ADRA1B: variants seen among roughly 807,000 people sequenced by gnomAD.
ADRA1B encodes the protein alpha-1B adrenergic receptor.
Under a neutral mutation model 17.9 loss-of-function variants are expected in ADRA1B, and 17 were observed. The ratio of observed to expected loss-of-function variants is 0.95; its 90% CI spans 0.65 to 1.42. The LOEUF (loss-of-function observed/expected upper bound fraction) is 1.42. ADRA1B is among the 40% of genes most tolerant of loss of function. The pLI, the probability that ADRA1B is intolerant of heterozygous loss-of-function variation, is 0.00. For missense variants in ADRA1B, 681 were observed against 722.1 expected, an observed-to-expected ratio of 0.94 and a Z score of 0.65; for synonymous variants, 366 against 327.6, an observed-to-expected ratio of 1.12 and a Z score of -1.27.
At chr5:159,911,578 T>C (rs937445971), upstream of ADRA1B, among the ~76,000 whole-genome samples, 1 of 152,010 alleles carries the variant, frequency 6.6e-6, no homozygotes, top group African/African-American at 2.4e-5. Flanking sequence ...TACCAGGGAG[T>C]GCTGTATGAC....
chr5:159,917,162 A>G lies in ADRA1B; in HGVS notation c.257A>G (p.Asn86Ser), dbSNP rs768822216. ...ACGCCCACCAACTACTTCATTGTCA[A>G]CCTGGCCATGGCCGACCTGCTGTTG... ...LRTPTNYFIV[N>S]LAMADLLLSF... Residue 86 changes from asparagine to serine, a missense_variant, in exon 1 of 2, where the codon AAC becomes AGC. Physicochemically the swap from Asn to Ser is conservative, Grantham distance 46. Coordinates refer to ENST00000306675, the MANE Select transcript of ADRA1B (RefSeq NM_000679.4). 6 of 1,613,866 alleles carry G rather than the reference A, an allele frequency of 3.7e-6. No homozygotes were observed. Among genetic ancestry groups the G allele is most frequent in the Non-Finnish European group, 5.1e-6 (6 of 1,179,990 alleles).
At chr5:159,954,762 C>T (rs1254508976) in intron 1 of ADRA1B, among the ~76,000 whole-genome samples, 2 of 152,144 alleles carry the variant, frequency 1.3e-5, no homozygotes, top group Non-Finnish European at 2.9e-5. Context: ...AAGGCCTCCT[C>T]CACCTGGCAT....
intron 1 of ADRA1B, among the ~76,000 whole-genome samples, chr5:159,895,295 T>A (rs1445005200): frequency 1.3e-5 from 2 of 152,196 alleles, no homozygotes; most frequent in African/African-American, 4.8e-5. Flanking sequence ...CAGTGGAATC[T>A]TCACCTTCCA....
chr5:159,921,795 T>C (rs545516041), intron 1 of ADRA1B, among the ~76,000 whole-genome samples: 14 of 152,324 alleles, frequency 9.2e-5, no homozygotes, highest in African/African-American at 2.6e-4. Flanking sequence ...CTCCAGCCCT[T>C]TCATTCAAAT....
chr5:159,974,487 T>A (rs1327595591), downstream of ADRA1B, among the ~76,000 whole-genome samples: 1 of 151,932 alleles, frequency 6.6e-6, no homozygotes, highest in Non-Finnish European at 1.5e-5. Context: ...ATACAAAAAA[T>A]TAGCTGGGTG....
At chr5:159,927,295 C>A (rs893591508) in intron 1 of ADRA1B, among the ~76,000 whole-genome samples, 1 of 151,482 alleles carries the variant, frequency 6.6e-6, no homozygotes, top group East Asian at 2.0e-4. Flanking sequence ...GGAAACTATT[C>A]CAGTGACTTT....
chr5:159,963,228 T>G (rs1251225025), intron 1 of ADRA1B, among the ~76,000 whole-genome samples: 1 of 149,854 alleles, frequency 6.7e-6, no homozygotes. Context: ...GTACACACCC[T>G]CCCAGACCTT....
intron 1 of ADRA1B, among the ~76,000 whole-genome samples, chr5:159,934,401 C>T (rs184165454): frequency 5.7e-4 from 87 of 152,046 alleles, no homozygotes; most frequent in Middle Eastern, 3.2e-3. Flanking sequence ...CCTCTGTCAC[C>T]GCCTTCCCAC....
chr5:159,877,460 C>T lies in ADRA1B; in HGVS notation c.-256+12254C>T, dbSNP rs191134558. ...ACATCAGTTGGCAAATGTCAAAAAC[C>T]GAGAAAATAATAATTTCAGTACTCC... is the stretch of plus-strand genomic sequence containing the variant. On this transcript the variant is annotated intron_variant, in intron 1 of 2. Transcript: ENST00000641205. Among the ~76,000 whole-genome samples, 22 of 152,244 alleles carry T rather than the reference C, an allele frequency of 1.4e-4. 1 individual carries two copies. The highest frequency in any genetic ancestry group is 1.4e-3 in the East Asian group (7 of 5,180).
intron 1 of ADRA1B, among the ~76,000 whole-genome samples, chr5:159,961,559 A>C (rs1307822760): frequency 1.3e-5 from 2 of 152,188 alleles, no homozygotes; most frequent in Non-Finnish European, 2.9e-5. Context: ...TATTATTGTA[A>C]ATTTTTCCAG....
At chr5:159,966,699 G>A (rs546474240) in intron 1 of ADRA1B, among the ~76,000 whole-genome samples, 74 of 152,198 alleles carry the variant, frequency 4.9e-4, no homozygotes, top group Non-Finnish European at 7.9e-4. Context: ...GGGTAAATTA[G>A]TACAACCAGT....
chr5:159,902,934 G>A (rs1340970858), intron 1 of ADRA1B, among the ~76,000 whole-genome samples: 1 of 152,156 alleles, frequency 6.6e-6, no homozygotes, highest in East Asian at 1.9e-4. Context: ...AGTCATACAG[G>A]AATCAGACAC....
At chr5:159,927,808 G>A (rs1754704023) in intron 1 of ADRA1B, among the ~76,000 whole-genome samples, 1 of 151,960 alleles carries the variant, frequency 6.6e-6, no homozygotes, top group Non-Finnish European at 1.5e-5. Context: ...GCCTCAGATG[G>A]GGAGGAAAGA....
intron 1 of ADRA1B, chr5:159,871,256 C>T (rs905852633): frequency 1.3e-5 from 2 of 152,082 alleles, no homozygotes; most frequent in African/African-American, 4.8e-5. Context: ...GGTTAAAAAC[C>T]CGAGGTCAGC....
chr5:159,981,911 T>C, the ADRA1B span, among the ~76,000 whole-genome samples: 1 of 152,234 alleles, frequency 6.6e-6, no homozygotes, highest in Non-Finnish European at 1.5e-5. Context: ...TTCTGCAGAT[T>C]CTTTGGCACT....
At chr5:159,908,153 T>C (rs1754183067) in intron 1 of ADRA1B, among the ~76,000 whole-genome samples, 1 of 152,170 alleles carries the variant, frequency 6.6e-6, no homozygotes, top group African/African-American at 2.4e-5. Flanking sequence ...GACCTCACCA[T>C]GGAGACAGGC....
chr5:159,951,993 A>G (rs1755451202), intron 1 of ADRA1B, among the ~76,000 whole-genome samples: 3 of 152,184 alleles, frequency 2.0e-5, no homozygotes, highest in Admixed American at 1.3e-4. Context: ...TGGCAAAAGG[A>G]TGACTTTTCA....
At position 159,972,891 on chromosome 5, in the gene ADRA1B, AACC is replaced by A. The variant is rs1755912477; in HGVS notation, c.*400_*402del. On this transcript the variant is annotated 3_prime_UTR_variant, in exon 2 of 2. Coordinates refer to ENST00000306675, the MANE Select transcript of ADRA1B (RefSeq NM_000679.4). ...CGCGGCGACTGTGCGCCCAGGAGGC[AACC>A]GGGGGCGTTGTGTGTGTCGTGACTT... Among the ~76,000 whole-genome samples, 1 of 152,218 alleles carries A rather than the reference AACC, an allele frequency of 6.6e-6. No homozygotes were observed. Among genetic ancestry groups the A allele is most frequent in the Non-Finnish European group, 1.5e-5 (1 of 68,036 alleles).
At chr5:159,983,037 T>G in the ADRA1B span, among the ~76,000 whole-genome samples, 3 of 152,210 alleles carry the variant, frequency 2.0e-5, no homozygotes, top group Admixed American at 2.0e-4. Context: ...TGAAGGCCAC[T>G]CCTCAAAATC....
Sources: gnomAD v4.1 joint callset for allele counts (sites outside exome capture counted in the v4.1 genomes callset) on GRCh38, gnomAD v4.1.1 for gene constraint, MANE v1.5 for transcripts, NCBI Gene and HGNC (gene_info 2026-07-23, HGNC 2026-07-21) for gene names.